DSG2: variants seen among roughly 807,000 people sequenced by gnomAD.
DSG2 encodes desmoglein-2.
A neutral mutation model predicts 75.6 loss-of-function variants in DSG2; 45 were observed. That is an observed-to-expected ratio of 0.60 (90% CI 0.47 to 0.76). The LOEUF (loss-of-function observed/expected upper bound fraction) is 0.76, where lower values mean the gene tolerates loss of function less well. Among genes scored for constraint, DSG2 ranks in the 30% least tolerant of loss-of-function variants. The probability of loss-of-function intolerance (pLI) is 0.00; values close to 1 mark genes in which losing one functional copy is unlikely to be tolerated. For synonymous variants in DSG2, 429 were observed against 483.9 expected, an observed-to-expected ratio of 0.89 and a Z score of 1.49; for missense variants, 1,267 against 1,357.4, an observed-to-expected ratio of 0.93 and a Z score of 1.05.
rs1598823943 is a variant in DSG2, at chr18:31,542,606, G to A, written c.2088G>A (p.Met696Ile). 6.2e-7 allele frequency: 1 copy of A among 1,614,174 alleles called. No individual in the cohort carries two copies. Among genetic ancestry groups the A allele is most frequent in the Non-Finnish European group, 8.5e-7 (1 of 1,180,034 alleles). The change falls in exon 14 of 15, where the codon ATG becomes ATA. Residue 696 changes from methionine (M) to isoleucine (I), a missense_variant. Met to Ile is a conservative substitution (Grantham distance 10, BLOSUM62 1). Coordinates refer to ENST00000261590, the MANE Select transcript of DSG2 (RefSeq NM_001943.5). ...GAGGTATGGCCAAGGAAGCCACGAT[G>A]AAAGGAAGTAGCTCTGCTTCCATTG... ...GVGGMAKEAT[M>I]KGSSSASIVK... is the part of the protein sequence containing the mutation.
chr18:31,530,266 G>A (rs1273463170), intron 8 of DSG2, among the ~76,000 whole-genome samples: 1 of 152,016 alleles, frequency 6.6e-6, no homozygotes, highest in African/African-American at 2.4e-5. Flanking sequence ...GAGGGACAGA[G>A]CTCACAGAGC....
Position 31,536,296 on chromosome 18 carries a change from C to G in DSG2, c.1518C>G (p.Ile506Met). 6.2e-7 allele frequency: 1 copy of G among 1,614,218 alleles called. No homozygotes were observed. Among genetic ancestry groups the G allele is most frequent in the Non-Finnish European group, 8.5e-7 (1 of 1,180,036 alleles). ...CPTLIEPVQT[I>M]CHDAEYVNVT... ...CACTGATAGAGCCTGTGCAGACAATCTGTCACGATGCAGAGTATGTGAATG... is the reference window on the plus strand; with the variant it reads ...CACTGATAGAGCCTGTGCAGACAATGTGTCACGATGCAGAGTATGTGAATG... The change falls in exon 11 of 15, where the codon ATC becomes ATG. Residue 506 changes from isoleucine to methionine, a missense_variant. Ile to Met is a conservative substitution (Grantham distance 10, BLOSUM62 1). Coordinates refer to ENST00000261590, the MANE Select transcript of DSG2 (RefSeq NM_001943.5).
At chr18:31,511,218 A>C (rs887548039) in intron 1 of DSG2, among the ~76,000 whole-genome samples, 1 of 152,216 alleles carries the variant, frequency 6.6e-6, no homozygotes, top group African/African-American at 2.4e-5. Flanking sequence ...AGTTGCAGCC[A>C]GATAACACTT....
rs2073306303 is a variant in DSG2, at chr18:31,546,105, G to A, written c.2719G>A (p.Val907Ile). Residue 907 changes from valine to isoleucine, a missense_variant, in exon 15 of 15, where the codon GTC becomes ATC. By Grantham distance (29) the Val-to-Ile change is conservative (BLOSUM62 3). Coordinates refer to ENST00000261590, the MANE Select transcript of DSG2 (RefSeq NM_001943.5). ...TGCAGAGAAAGTAACTCAGGAAATA[G>A]TCACTGAAAGATCTGTGTCTTCTAG... Reference protein sequence around the residue: ...ANAEKVTQEIVTERSVSSRQA... With the variant: ...ANAEKVTQEIITERSVSSRQA... The A allele has an allele frequency of 6.2e-7, 1 of 1,614,198 alleles. No individual in the cohort carries two copies. Among genetic ancestry groups the A allele is most frequent in the African/African-American group, 1.3e-5 (1 of 75,040 alleles).
At chr18:31,522,542 TG>T (rs1431428439) in intron 6 of DSG2, 2 of 238,138 alleles carry the variant, frequency 8.4e-6, no homozygotes. Flanking sequence ...TAATGTTTTT[TG>T]TGATCATTGC....
intron 6 of DSG2, among the ~76,000 whole-genome samples, chr18:31,523,789 A>G (rs1402529550): frequency 6.6e-6 from 1 of 152,242 alleles, no homozygotes; most frequent in Non-Finnish European, 1.5e-5. Flanking sequence ...TGCATGTCCA[A>G]CACAGTCAGT....
At chr18:31,516,161 A>G (rs1248065019) in intron 1 of DSG2, among the ~76,000 whole-genome samples, 1 of 152,190 alleles carries the variant, frequency 6.6e-6, no homozygotes, top group Non-Finnish European at 1.5e-5. Context: ...TAAGATAAGG[A>G]AAACCTAAAT....
At position 31,531,125 on chromosome 18, in the gene DSG2, G is replaced by T. The variant is rs753055085; in HGVS notation, c.1153G>T (p.Gly385Cys). The part of the protein sequence containing the change: ...IKVKVKNVKE[G>C]IHFKSSVISI... ...GGTCAAAGTGAAAAATGTGAAAGAA[G>T]GCATTCATTTTAAAAGCAGCGTCAT... is the stretch of plus-strand genomic sequence containing the variant. The change falls in exon 9 of 15, where the codon GGC becomes TGC. Residue 385 changes from glycine to cysteine, a missense_variant. Gly to Cys is a radical substitution (Grantham distance 159). Coordinates refer to ENST00000261590, the MANE Select transcript of DSG2 (RefSeq NM_001943.5). The T allele has an allele frequency of 1.2e-6, 2 of 1,613,926 alleles. No individual in the cohort carries two copies. The highest frequency in any genetic ancestry group is 1.3e-5 in the African/African-American group (1 of 74,884).
chr18:31,529,916 G>GATAGCCCAAATGCCTA (rs1213630168), intron 8 of DSG2, among the ~76,000 whole-genome samples: 1 of 152,100 alleles, frequency 6.6e-6, no homozygotes, highest in African/African-American at 2.4e-5. Context: ...TAGAAATTGT[G>GATAGCCCAAATGCCTA]ATAGCCCAAA....
Position 31,521,256 on chromosome 18 carries a change from T to TC in DSG2, c.523+13_523+14insC, listed in dbSNP as rs760085014. The TC allele has an allele frequency of 6.3e-7, 1 of 1,591,666 alleles. No homozygotes were observed. The stretch of plus-strand genomic sequence containing the variant: ...TTGAGTGCAGCACGTAAGAGTCTTT[T>TC]TTTTTTTTTTTAATAAATAAATACC... On this transcript the variant is annotated intron_variant, in intron 5 of 14. Coordinates refer to ENST00000261590, the MANE Select transcript of DSG2 (RefSeq NM_001943.5).
In DSG2 at chr18:31,498,261, A is replaced by G. The variant is rs1415117974; in HGVS notation, c.10A>G (p.Ser4Gly). The stretch of plus-strand genomic sequence containing the variant: ...CGGAGGCGAGGGTGCGATGGCGCGG[A>G]GCCCGGGACGCGCGTACGCCCTGCT... MAR[S>G]PGRAYALLLL... Residue 4 changes from serine (S) to glycine (G), a missense_variant, in exon 1 of 15, where the codon AGC becomes GGC. Coordinates refer to ENST00000261590, the MANE Select transcript of DSG2 (RefSeq NM_001943.5). The G allele has an allele frequency of 1.6e-6, 2 of 1,261,082 alleles. No homozygotes were observed. Among genetic ancestry groups the G allele is most frequent in the Non-Finnish European group, 2.0e-6 (2 of 999,054 alleles). 78.1% of individuals were successfully genotyped at this position (1,261,082 alleles called of 1,614,324 possible).
intron 9 of DSG2, among the ~76,000 whole-genome samples, chr18:31,532,319 C>T (rs893705359): frequency 6.6e-6 from 1 of 152,058 alleles, no homozygotes. Context: ...TTTTTAAGAG[C>T]ACTAATTCCA....
At chr18:31,518,218 T>C (rs1259907438) in intron 1 of DSG2, 21 bp from the exon 2 acceptor site, 2 of 1,602,872 alleles carry the variant, frequency 1.2e-6, no homozygotes, top group Non-Finnish European at 8.5e-7. Flanking sequence ...TGGCTAAATA[T>C]CAAATAATTT....
In DSG2 at chr18:31,522,217, ATT is replaced by A; in HGVS notation, c.660_661del (p.Thr222AsnfsTer45). 1 of 1,613,802 alleles carries A rather than the reference ATT, an allele frequency of 6.2e-7. No homozygotes were observed. ...CTACCTAAATAAAGATACAGGAGAG[ATT>A]TATACAACCAGTGTTACCTTGGACA... ...VFYLNKDTGE[I>X]YTTSVTLDRE... On this transcript the variant is annotated frameshift_variant, in exon 6 of 15. Transcript: ENST00000261590. LOFTEE classifies it high-confidence loss of function.
chr18:31,542,636 A>G lies in DSG2; in HGVS notation c.2118A>G (p.Lys706=). ...GAAGTAGCTCTGCTTCCATTGTCAA[A>G]GGGCAACATGAGATGTCCGAGATGG... ...MKGSSSASIV[K]GQHEMSEMDG... The change falls in exon 14 of 15, where the codon AAA becomes AAG. Residue 706 remains lysine (K), a synonymous_variant. Coordinates refer to ENST00000261590, the MANE Select transcript of DSG2 (RefSeq NM_001943.5). 6.2e-7 allele frequency: 1 copy of G among 1,614,174 alleles called. No homozygotes were observed. Among genetic ancestry groups the G allele is most frequent in the Non-Finnish European group, 8.5e-7 (1 of 1,180,030 alleles).
At chr18:31,538,489 C>G (rs762777935) in intron 11 of DSG2, among the ~76,000 whole-genome samples, 2 of 152,076 alleles carry the variant, frequency 1.3e-5, no homozygotes, top group African/African-American at 2.4e-5. Flanking sequence ...AGAACAGTTC[C>G]TAGCTTTCCT....
chr18:31,541,523 T>G (rs1046258088), intron 13 of DSG2, among the ~76,000 whole-genome samples: 7 of 152,214 alleles, frequency 4.6e-5, no homozygotes, highest in Non-Finnish European at 4.4e-5. Flanking sequence ...GTTTTGACAC[T>G]TCCCATGTTG....
intron 14 of DSG2, among the ~76,000 whole-genome samples, chr18:31,544,054 GAAAC>G (rs1250089857): frequency 6.6e-6 from 1 of 152,018 alleles, no homozygotes; most frequent in African/African-American, 2.4e-5. Flanking sequence ...AACTGAAAGA[GAAAC>G]AGACAAATTC....
At chr18:31,518,604 A>G (rs553013899) in intron 2 of DSG2, among the ~76,000 whole-genome samples, 2 of 152,338 alleles carry the variant, frequency 1.3e-5, no homozygotes, top group African/African-American at 2.4e-5. Flanking sequence ...CTGTGTATAT[A>G]TGTGCAACTG....
Sources: allele counts gnomAD v4.1 joint callset (sites outside exome capture counted in the v4.1 genomes callset), GRCh38; gene constraint gnomAD v4.1.1; transcripts MANE v1.5; gene names NCBI Gene and HGNC (gene_info 2026-07-23, HGNC 2026-07-21).